Variants in XXYLT1 observed in about 807,000 individuals in gnomAD.
The protein encoded by XXYLT1 is xyloside xylosyltransferase 1, also known as UDP-xylose:alpha-xyloside alpha-1,3-xylosyltransferase.
In XXYLT1, 20 loss-of-function variants were observed where a neutral mutation model predicts 28.9. The ratio of observed to expected loss-of-function variants is 0.69; its 90% CI spans 0.49 to 1.00. The LOEUF (loss-of-function observed/expected upper bound fraction) is 1.00, where lower values mean the gene tolerates loss of function less well. XXYLT1 is among the 50% of genes least tolerant of loss of function. The pLI, the probability that XXYLT1 is intolerant of heterozygous loss-of-function variation, is 0.00. For missense variants in XXYLT1, 542 were observed against 560.1 expected (o/e 0.97, Z 0.33); for synonymous variants, 257 against 253.8 (o/e 1.01, Z -0.12).
intron 1 of XXYLT1, among the ~76,000 whole-genome samples, chr3:195,231,268 TTTTTG>T (rs990299712): frequency 1.2e-4 from 19 of 152,030 alleles, no homozygotes; most frequent in East Asian, 3.8e-4. Context: ...ATCAATACAT[TTTTTG>T]TTTTGTTTTT....
intron 3 of XXYLT1, among the ~76,000 whole-genome samples, chr3:195,141,212 A>G (rs968329782): frequency 2.0e-5 from 3 of 152,236 alleles, no homozygotes; most frequent in Admixed American, 6.5e-5. Flanking sequence ...AGATTCATCT[A>G]TACAGTCAGG....
intron 3 of XXYLT1, among the ~76,000 whole-genome samples, chr3:195,075,814 C>T (rs1271297064): frequency 6.6e-6 from 1 of 152,194 alleles, no homozygotes; most frequent in Non-Finnish European, 1.5e-5. Flanking sequence ...AACTGAGTTG[C>T]CAAACCACAA....
intron 1 of XXYLT1, among the ~76,000 whole-genome samples, chr3:195,253,343 G>A (rs909459475): frequency 3.3e-5 from 5 of 152,078 alleles, no homozygotes; most frequent in South Asian, 2.1e-4. Context: ...ATCAGGAGGC[G>A]AAGCGGCAAG....
intron 3 of XXYLT1, among the ~76,000 whole-genome samples, chr3:195,112,409 TGC>T (rs1004283388): frequency 4.7e-5 from 7 of 148,380 alleles, no homozygotes; most frequent in South Asian, 2.1e-4. Context: ...CGTGCGCACG[TGC>T]GCGCACACAC....
Position 195,174,490 on chromosome 3 carries a change from C to G in XXYLT1, c.653-17909G>C, listed in dbSNP as rs114323138. Among the ~76,000 whole-genome samples, 472 of 152,210 alleles carry G rather than the reference C, an allele frequency of 3.1e-3. 3 individuals carry two copies. Among genetic ancestry groups the G allele is most frequent in the African/African-American group, 0.011 (448 of 41,518 alleles). ...AACAGCTGAGACCACAGGTGCACAC[C>G]ACTACACCCGGTTAATTTTAATTTT... On this transcript the variant is annotated intron_variant, in intron 2 of 3. Transcript: ENST00000310380.
At chr3:195,262,797 AC>A (rs1725734790) in intron 1 of XXYLT1, among the ~76,000 whole-genome samples, 1 of 152,224 alleles carries the variant, frequency 6.6e-6, no homozygotes, top group Admixed American at 6.5e-5. Flanking sequence ...TCCATAAGAA[AC>A]ATACATTGGT....
At chr3:195,095,049 C>T (rs1485484077) in intron 3 of XXYLT1, among the ~76,000 whole-genome samples, 1 of 152,200 alleles carries the variant, frequency 6.6e-6, no homozygotes, top group Non-Finnish European at 1.5e-5. Flanking sequence ...CGCTGACAAG[C>T]CCCCAGGTGA....
Position 195,079,562 on chromosome 3 carries a change from G to A in XXYLT1, c.786-9451C>T, listed in dbSNP as rs532915653. The stretch of plus-strand genomic sequence containing the variant: ...ATGTTTGTAATAAGCAAACAAGGTA[G>A]GTACTATGATTTCCATGTTCTAGAT... On this transcript the variant is annotated intron_variant, in intron 3 of 3. Transcript: ENST00000310380. Among the ~76,000 whole-genome samples, 6 of 152,264 alleles carry A rather than the reference G, an allele frequency of 3.9e-5. No homozygotes were observed. In the South Asian group the frequency reaches 8.3e-4, roughly 21 times the overall value.
intron 1 of XXYLT1, among the ~76,000 whole-genome samples, chr3:195,261,149 C>G (rs189984090): frequency 5.3e-5 from 8 of 152,366 alleles, no homozygotes; most frequent in African/African-American, 1.7e-4. Flanking sequence ...AAGGCCTGAA[C>G]AGGCCGGGCG....
chr3:195,080,447 C>T lies in XXYLT1; in HGVS notation c.786-10336G>A, dbSNP rs193273717. Among the ~76,000 whole-genome samples the T allele has an allele frequency of 2.7e-3, 404 of 151,362 alleles. 3 individuals carry two copies. Among genetic ancestry groups the T allele is most frequent in the Middle Eastern group, 6.8e-3 (2 of 294 alleles). ...ACCAGGAAACCACAGAGCCGGCAGC[C>T]AAAGCTGGTGAGGACCCACATGCAC... is the stretch of plus-strand genomic sequence containing the variant. On this transcript the variant is annotated intron_variant, in intron 3 of 3. Transcript: ENST00000310380.
chr3:195,204,354 AAG>A (rs541967408), intron 2 of XXYLT1, among the ~76,000 whole-genome samples: 1 of 151,416 alleles, frequency 6.6e-6, no homozygotes, highest in Admixed American at 6.6e-5. Context: ...AAAAAAAAAA[AAG>A]AGAGAGAGAG....
intron 3 of XXYLT1, among the ~76,000 whole-genome samples, chr3:195,098,058 T>C (rs1716550456): frequency 6.6e-6 from 1 of 151,966 alleles, no homozygotes; most frequent in South Asian, 2.1e-4. Flanking sequence ...AGGAGACAAA[T>C]GTGCATGATT....
Position 195,257,113 on chromosome 3 carries a change from G to A in XXYLT1, c.504+13442C>T, listed in dbSNP as rs1178187443. On this transcript the variant is annotated intron_variant, in intron 1 of 3. Coordinates refer to ENST00000310380, the MANE Select transcript of XXYLT1 (RefSeq NM_152531.5). The surrounding 1 kb of genome is among the most constrained non-coding windows in gnomAD (Gnocchi z 4.3). The stretch of plus-strand genomic sequence containing the variant: ...CTTTCTTTACAAGCTTGAGGCCTCT[G>A]TAAGCGGCCAAGGACGCCATGTCCC... Among the ~76,000 whole-genome samples the A allele has an allele frequency of 6.6e-6, 1 of 152,220 alleles. No homozygotes were observed. The highest frequency in any genetic ancestry group is 1.5e-5 in the Non-Finnish European group (1 of 68,038).
rs62285217 is a variant in XXYLT1 at position 195,150,676 on chromosome 3, G to T, written c.785+5773C>A. On this transcript the variant is annotated intron_variant, in intron 3 of 3. Coordinates refer to ENST00000310380, the MANE Select transcript of XXYLT1 (RefSeq NM_152531.5). This position sits in a 1 kb window ranked among gnomAD's most constrained non-coding sequence, Gnocchi z 4.7. The stretch of plus-strand genomic sequence containing the variant: ...CGCAGAGCCTGGGGAGAATGAAACC[G>T]GAAGCCTATGCCGCCACCAACAAGC... Among the ~76,000 whole-genome samples the T allele has an allele frequency of 6.6e-6, 1 of 151,924 alleles. No individual in the cohort carries two copies. The highest frequency in any genetic ancestry group is 2.4e-5 in the African/African-American group (1 of 41,336).
At chr3:195,122,559 A>T (rs1718418984) in intron 3 of XXYLT1, among the ~76,000 whole-genome samples, 1 of 152,154 alleles carries the variant, frequency 6.6e-6, no homozygotes, top group African/African-American at 2.4e-5. Context: ...TGAGCACCCC[A>T]GAGCTGGGTC....
Position 195,070,087 on chromosome 3 carries a change from A to G in XXYLT1, c.810T>C (p.His270=), listed in dbSNP as rs1358769413. ...VYRHTFWQFR[H]ENPQTRVGGP... is the part of the protein sequence containing the mutation. Reference sequence around the variant, plus strand: ...CCCCAACCCGGGTCTGGGGGTTCTCATGGCGGAACTGCCAGAATGTGTGCC... The same window carrying G: ...CCCCAACCCGGGTCTGGGGGTTCTCGTGGCGGAACTGCCAGAATGTGTGCC... The change falls in exon 4 of 4, where the codon CAT becomes CAC. Residue 270 remains histidine (H), a synonymous_variant. Coordinates refer to ENST00000310380, the MANE Select transcript of XXYLT1 (RefSeq NM_152531.5). The G allele has an allele frequency of 1.3e-6, 2 of 1,578,952 alleles. No individual in the cohort carries two copies. Among genetic ancestry groups the G allele is most frequent in the South Asian group, 1.1e-5 (1 of 87,694 alleles).
intron 3 of XXYLT1, among the ~76,000 whole-genome samples, chr3:195,134,249 T>A (rs548830734): frequency 1.1e-4 from 16 of 152,204 alleles, no homozygotes; most frequent in Non-Finnish European, 2.2e-4. Context: ...TAGCATAGCC[T>A]ACAGGTGCCT....
At chr3:195,221,025 T>G (rs1396160374) in intron 2 of XXYLT1, among the ~76,000 whole-genome samples, 1 of 152,156 alleles carries the variant, frequency 6.6e-6, no homozygotes, top group Admixed American at 6.5e-5. Context: ...GAATGTGGTG[T>G]GTCACTGATA....
intron 2 of XXYLT1, among the ~76,000 whole-genome samples, chr3:195,224,016 C>T (rs1188335387): frequency 5.3e-5 from 8 of 152,066 alleles, no homozygotes; most frequent in Admixed American, 3.9e-4. Flanking sequence ...ACTAGCCAGG[C>T]GTGGTGGCAC....
Sources: allele counts gnomAD v4.1 joint callset (sites outside exome capture counted in the v4.1 genomes callset), GRCh38; gene constraint gnomAD v4.1.1; non-coding constraint Gnocchi (gnomAD v3.1); transcripts MANE v1.5; gene names NCBI Gene and HGNC (gene_info 2026-07-23, HGNC 2026-07-21).